Variants in TPTE2 observed in about 807,000 individuals in gnomAD.
TPTE2 encodes the protein phosphatidylinositol 3,4,5-trisphosphate 3-phosphatase TPTE2.
A neutral mutation model predicts 78.6 loss-of-function variants in TPTE2; 53 were observed. The observed-to-expected ratio is 0.67, with a 90% CI of 0.54 to 0.85. The LOEUF (loss-of-function observed/expected upper bound fraction) is 0.85, where lower values mean the gene tolerates loss of function less well. Ranked by LOEUF, TPTE2 falls within the 40% of genes least tolerant of loss-of-function variation. The pLI, the probability that TPTE2 is intolerant of heterozygous loss-of-function variation, is 0.00. For missense variants in TPTE2, 461 were observed against 623.0 expected, an observed-to-expected ratio of 0.74 and a Z score of 2.77; for synonymous variants, 175 against 206.2, an observed-to-expected ratio of 0.85 and a Z score of 1.30.
Position 19,448,713 on chromosome 13 carries a change from G to A in TPTE2, c.973+1363C>T, listed in dbSNP as rs1277229123. On this transcript the variant is annotated intron_variant, in intron 13 of 19. Coordinates refer to ENST00000400230, the Ensembl canonical transcript of TPTE2. Reference sequence around the variant, plus strand: ...GGACCCTCCCTTGTACACTGTTGGTGTGAATGTAAATTAGTAGTTATTGTG... The same window carrying A: ...GGACCCTCCCTTGTACACTGTTGGTATGAATGTAAATTAGTAGTTATTGTG... Among the ~76,000 whole-genome samples the A allele has an allele frequency of 5.9e-5, 9 of 152,258 alleles. No homozygotes were observed. In the East Asian group the frequency reaches 1.7e-3, roughly 29 times the overall value.
At chr13:19,430,809 A>C (rs560914294) in intron 16 of TPTE2, among the ~76,000 whole-genome samples, 1 of 152,274 alleles carries the variant, frequency 6.6e-6, no homozygotes, top group Non-Finnish European at 1.5e-5. Context: ...GAATCCCATC[A>C]CTTTATCTTT....
Position 19,535,206 on chromosome 13 carries a change from A to C in TPTE2, c.-44+1390T>G, listed in dbSNP as rs1260536579. On this transcript the variant is annotated intron_variant, in intron 1 of 17. Coordinates refer to the TPTE2 transcript ENST00000390680. This position sits in a 1 kb window ranked among gnomAD's most constrained non-coding sequence, Gnocchi z 5.1. The stretch of plus-strand genomic sequence containing the variant: ...TGACAGAGTGAGATTCCTTCTCAAA[A>C]AAACAAACAAACAAAAAAATATATA... Among the ~76,000 whole-genome samples the C allele has an allele frequency of 1.1e-5, 1 of 87,682 alleles. No individual in the cohort carries two copies. The highest frequency in any genetic ancestry group is 2.1e-5 in the Non-Finnish European group (1 of 47,186). 57.5% of individuals were successfully genotyped at this position (87,682 alleles called of 152,430 possible).
At chr13:19,467,876 G>A (rs1879365650) in intron 6 of TPTE2, among the ~76,000 whole-genome samples, 1 of 123,388 alleles carries the variant, frequency 8.1e-6, no homozygotes, top group African/African-American at 3.2e-5. Flanking sequence ...CTACTCTCTA[G>A]GTCTATGAAT....
chr13:19,458,310 G>C (rs7489816), intron 10 of TPTE2: 1 of 192,506 alleles, frequency 5.2e-6, no homozygotes, highest in African/African-American at 2.3e-5. Context: ...TCTGAATTCT[G>C]GTGTATGAGA....
At chr13:19,467,016 C>CA in intron 7 of TPTE2, among the ~76,000 whole-genome samples, 2 of 152,252 alleles carry the variant, frequency 1.3e-5, no homozygotes, top group African/African-American at 4.8e-5. Context: ...ATTAATGGTA[C>CA]TTAGCGTGTA....
At chr13:19,459,577 G>A (rs1284763477) in intron 10 of TPTE2, among the ~76,000 whole-genome samples, 1 of 152,246 alleles carries the variant, frequency 6.6e-6, no homozygotes, top group Non-Finnish European at 1.5e-5. Flanking sequence ...TCCAAAGCCA[G>A]CAGGTTGGAG....
At chr13:19,552,982 G>T in the TPTE2 span, among the ~76,000 whole-genome samples, 1 of 150,696 alleles carries the variant, frequency 6.6e-6, no homozygotes, top group African/African-American at 2.4e-5. Context: ...TTTGTTTAAG[G>T]GTATTTTTAT....
In TPTE2 at chr13:19,486,767, G is replaced by C. The variant is rs1880689000; in HGVS notation, c.120-4220C>G. 6.6e-6 allele frequency among the ~76,000 whole-genome samples: 1 copy of C among 152,144 alleles called. No homozygotes were observed. The highest frequency in any genetic ancestry group is 1.5e-5 in the Non-Finnish European group (1 of 68,020). On this transcript the variant is annotated intron_variant, in intron 3 of 19. Coordinates refer to ENST00000400230, the Ensembl canonical transcript of TPTE2. This position sits in a 1 kb window ranked among gnomAD's most constrained non-coding sequence, Gnocchi z 4.3. ...CAAGAGGGGGTGTTTCTCAGGCCTG[G>C]GATACAGTCAAATGACTTCTCAGCT...
rs548467971 is a variant in TPTE2 at position 19,447,133 on chromosome 13, C to A, written c.973+2943G>T. Among the ~76,000 whole-genome samples the A allele has an allele frequency of 9.2e-5, 14 of 152,026 alleles. No individual in the cohort carries two copies. In the South Asian group the frequency reaches 2.9e-3, roughly 32 times the overall value. On this transcript the variant is annotated intron_variant, in intron 13 of 19. Coordinates refer to ENST00000400230, the Ensembl canonical transcript of TPTE2. ...CTACTGGTAACCTGCAGGCAGCAACCAACCAGAAGATAGCAAGACTAATAT... is the reference window on the plus strand; with the variant it reads ...CTACTGGTAACCTGCAGGCAGCAACAAACCAGAAGATAGCAAGACTAATAT...
chr13:19,496,370 T>C (rs1881311744), intron 1 of TPTE2, among the ~76,000 whole-genome samples: 1 of 152,172 alleles, frequency 6.6e-6, no homozygotes. Flanking sequence ...ACGACAGCCT[T>C]TTGTGGGTGA....
chr13:19,461,532 G>A (rs974130275), intron 10 of TPTE2, among the ~76,000 whole-genome samples: 3 of 152,070 alleles, frequency 2.0e-5, no homozygotes. Flanking sequence ...CTATCTGTAA[G>A]CTTAAATCTC....
the TPTE2 span, chr13:19,552,774 T>C: frequency 5.5e-6 from 2 of 363,206 alleles, no homozygotes; most frequent in African/African-American, 4.4e-5. Context: ...CTTTAAAAAG[T>C]TATAACCAAT....
At chr13:19,475,723 T>G (rs1261245148) in intron 4 of TPTE2, 100 bp from the exon 8 acceptor site, 1 of 1,266,728 alleles carries the variant, frequency 7.9e-7, no homozygotes, top group Non-Finnish European at 1.1e-6. Flanking sequence ...TAAAAGAAAA[T>G]TATTCAGAAG....
upstream of TPTE2, among the ~76,000 whole-genome samples, chr13:19,506,160 CTTTTTTTTTT>C (rs71092369): frequency 8.5e-4 from 28 of 32,864 alleles, no homozygotes; most frequent in Non-Finnish European, 1.1e-3. Context: ...GTATATAAAT[CTTTTTTTTTT>C]TTTTTTTTTT....
chr13:19,425,358 T>C (rs1227539473), intron 18 of TPTE2, among the ~76,000 whole-genome samples: 2 of 152,228 alleles, frequency 1.3e-5, no homozygotes, highest in Non-Finnish European at 2.9e-5. Flanking sequence ...TACATTGTAG[T>C]GAATTCTTAT....
chr13:19,538,366 G>A (rs1337941894), upstream of TPTE2, among the ~76,000 whole-genome samples: 3 of 149,756 alleles, frequency 2.0e-5, no homozygotes, highest in Non-Finnish European at 3.0e-5. Flanking sequence ...GACTACAGGC[G>A]CCCGCCACCA....
At chr13:19,560,322 C>CA in the TPTE2 span, 2 of 1,447,430 alleles carry the variant, frequency 1.4e-6, no homozygotes, top group South Asian at 2.3e-5. Flanking sequence ...CCCCTCGCTC[C>CA]AGCCGCAGGG....
intron 11 of TPTE2, 64 bp downstream of exon 14, chr13:19,451,101 A>G (rs1694588538): frequency 6.3e-7 from 1 of 1,575,824 alleles, no homozygotes; most frequent in South Asian, 1.2e-5. Context: ...AAGCAAAATC[A>G]TCTTCTTACG....
At chr13:19,497,206 G>C (rs767043303) in intron 1 of TPTE2, among the ~76,000 whole-genome samples, 1 of 149,730 alleles carries the variant, frequency 6.7e-6, no homozygotes, top group Non-Finnish European at 1.5e-5. Context: ...ACTGCAAGGC[G>C]GCAGCGAGGC....
Sources: gnomAD v4.1 joint callset for allele counts (sites outside exome capture counted in the v4.1 genomes callset) on GRCh38, gnomAD v4.1.1 for gene constraint, Gnocchi (gnomAD v3.1) non-coding constraint, MANE v1.5 for transcripts, NCBI Gene and HGNC (gene_info 2026-07-23, HGNC 2026-07-21) for gene names.